The following ATR variants were observed in gnomAD, a reference collection of about 807,000 sequenced individuals.
ATR encodes the protein serine/threonine-protein kinase ATR.
Under a neutral mutation model 305.3 loss-of-function variants are expected in ATR, and 142 were observed. That is an observed-to-expected ratio of 0.47 (90% confidence interval 0.41 to 0.53). The LOEUF (loss-of-function observed/expected upper bound fraction) is 0.53. ATR is among the 20% of genes least tolerant of loss of function. The probability of loss-of-function intolerance (pLI) is 0.00; values close to 1 mark genes in which losing one functional copy is unlikely to be tolerated. For missense variants in ATR, 2,135 were observed against 3,133.1 expected (o/e 0.68, Z 7.60); for synonymous variants, 1,050 against 1,068.1 (o/e 0.98, Z 0.33).
At chr3:142,560,583 C>CAA in intron 5 of ATR, 129 bp from the exon 6 acceptor site, 1 of 714,958 alleles carries the variant, frequency 1.4e-6, no homozygotes, top group Non-Finnish European at 2.2e-6. Context: ...TTTTGTGAGA[C>CAA]AGAGTCTCAC....
chr3:142,529,806 T>A (rs1270830294), intron 21 of ATR, among the ~76,000 whole-genome samples: 1 of 152,146 alleles, frequency 6.6e-6, no homozygotes. Context: ...TACTTTTTTT[T>A]CTCCTTGCAA....
intron 21 of ATR, among the ~76,000 whole-genome samples, chr3:142,524,951 A>G (rs1244704908): frequency 6.6e-6 from 1 of 152,194 alleles, no homozygotes; most frequent in Non-Finnish European, 1.5e-5. Context: ...GCACAAGTCA[A>G]GTGTATAGGA....
At chr3:142,467,469 G>C (rs1481664433) in intron 39 of ATR, among the ~76,000 whole-genome samples, 1 of 152,054 alleles carries the variant, frequency 6.6e-6, no homozygotes, top group Non-Finnish European at 1.5e-5. Flanking sequence ...TCCCCTCATA[G>C]GCACTGAAAT....
At chr3:142,495,382 T>G (rs942749761) in intron 34 of ATR, among the ~76,000 whole-genome samples, 7 of 152,176 alleles carry the variant, frequency 4.6e-5, no homozygotes, top group African/African-American at 1.7e-4. Context: ...GCTATTATTA[T>G]TAGTAATGCC....
chr3:142,559,195 T>C, intron 7 of ATR, 56 bp downstream of exon 7: 1 of 1,569,050 alleles, frequency 6.4e-7, no homozygotes, highest in Non-Finnish European at 8.8e-7. Context: ...AGAAAGCATA[T>C]TTCTATACTG....
In ATR at chr3:142,468,204, T is replaced by C. The variant is rs1036839246; in HGVS notation, c.6553-136A>G. 9 of 1,044,544 alleles carry C rather than the reference T, an allele frequency of 8.6e-6. No individual in the cohort carries two copies. The African/African-American group carries it at 1.4e-4, about 17-fold the overall frequency. 64.7% of individuals were successfully genotyped at this position (1,044,544 alleles called of 1,614,324 possible). On this transcript the variant is annotated intron_variant, in intron 38 of 46. Transcript: ENST00000350721. ...ATGATACAAATTTTCTGAAAATTTA[T>C]TTGGCAATGCTATCAAGAGCCATAC...
At chr3:142,509,890 T>G (rs1177982105) in intron 27 of ATR, among the ~76,000 whole-genome samples, 1 of 151,990 alleles carries the variant, frequency 6.6e-6, no homozygotes, top group Non-Finnish European at 1.5e-5. Context: ...CCAAGGCAGG[T>G]GGATCGCCTG....
chr3:142,474,835 G>A (rs531120943), intron 36 of ATR, among the ~76,000 whole-genome samples: 6 of 152,040 alleles, frequency 3.9e-5, no homozygotes, highest in Non-Finnish European at 8.8e-5. Flanking sequence ...TTTCACCACT[G>A]AGTATGATGT....
chr3:142,541,111 C>A, intron 17 of ATR, 77 bp from the exon 18 acceptor site: 1 of 1,533,970 alleles, frequency 6.5e-7, no homozygotes, highest in Non-Finnish European at 9.0e-7. Context: ...AGGACAAGTG[C>A]TTCCCACCCA....
chr3:142,516,878 G>T (rs1156526004), intron 24 of ATR, among the ~76,000 whole-genome samples: 6 of 151,452 alleles, frequency 4.0e-5, no homozygotes, highest in Admixed American at 3.9e-4. Context: ...TCATCTTACG[G>T]CTACCTGTGT....
intron 9 of ATR, 93 bp downstream of exon 9, chr3:142,556,290 T>C: frequency 6.7e-7 from 1 of 1,492,992 alleles, no homozygotes. Flanking sequence ...TTGCTTTACA[T>C]ATTCAACAAT....
At chr3:142,476,494 T>C (rs569804015) in intron 36 of ATR, among the ~76,000 whole-genome samples, 76 of 152,346 alleles carry the variant, frequency 5.0e-4, no homozygotes, top group African/African-American at 1.5e-3. Flanking sequence ...TTGGTTACTG[T>C]AGCCTTGTAG....
In ATR at chr3:142,549,561, A is replaced by G. The variant is rs1304815047; in HGVS notation, c.3089T>C (p.Ile1030Thr). The G allele has an allele frequency of 1.9e-6, 3 of 1,611,948 alleles. No individual in the cohort carries two copies. Among genetic ancestry groups the G allele is most frequent in the Middle Eastern group, 1.6e-4 (1 of 6,072 alleles). ...QLNVNRREIL[I>T]NNFKYIFSHL... Reference sequence around the variant, plus strand: ...AGAAAAAATATATTTGAAGTTGTTTATTAAAATCTCTCTACGATTGACATT... The same window carrying G: ...AGAAAAAATATATTTGAAGTTGTTTGTTAAAATCTCTCTACGATTGACATT... The change falls in exon 15 of 47, where the codon ATA (isoleucine) becomes ACA (threonine). Residue 1030 changes from isoleucine (I) to threonine (T), a missense_variant. By Grantham distance (89) the Ile-to-Thr change is moderately conservative. Coordinates refer to ENST00000350721, the MANE Select transcript of ATR (RefSeq NM_001184.4).
intron 9 of ATR, 74 bp downstream of exon 9, chr3:142,556,309 C>T (rs145604385): frequency 6.5e-7 from 1 of 1,533,056 alleles, no homozygotes; most frequent in Non-Finnish European, 9.0e-7. Flanking sequence ...ATAAACACAA[C>T]CCTGCATACA....
Position 142,536,096 on chromosome 3 carries a change from A to C in ATR, c.3819+12T>G. 1.3e-6 allele frequency: 2 copies of C among 1,527,234 alleles called. No homozygotes were observed. The highest frequency in any genetic ancestry group is 1.8e-6 in the Non-Finnish European group (2 of 1,101,946). 94.6% of individuals were successfully genotyped at this position (1,527,234 alleles called of 1,614,324 possible). The stretch of plus-strand genomic sequence containing the variant: ...TAATGATCTCCTAAACCACAAATTA[A>C]AAATTAAATACCTTTCTGTATTCCT... On this transcript the variant is annotated intron_variant, in intron 20 of 46. Transcript: ENST00000350721.
Position 142,553,828 on chromosome 3 carries a change from C to T in ATR, c.2529G>A (p.Lys843=), listed in dbSNP as rs1223709222. The T allele has an allele frequency of 3.1e-6, 5 of 1,613,346 alleles. No homozygotes were observed. The highest frequency in any genetic ancestry group is 2.2e-5 in the East Asian group (1 of 44,740). ...GTTAAAAACAAAAATTATCAACCTC[C>T]TTTATAAATCCATCTTCAGAGTCCA... is the stretch of plus-strand genomic sequence containing the variant. ...ESLDSEDGFI[K]ELFVLRMKEA... The change falls in exon 11 of 47, where the codon AAG becomes AAA. Residue 843 remains lysine, a synonymous_variant. Coordinates refer to ENST00000350721, the MANE Select transcript of ATR (RefSeq NM_001184.4).
At chr3:142,510,263 AG>A (rs2108366148) in intron 27 of ATR, among the ~76,000 whole-genome samples, 1 of 152,196 alleles carries the variant, frequency 6.6e-6, no homozygotes, top group South Asian at 2.1e-4. Flanking sequence ...TGGGAGATCG[AG>A]GCAGATGGAC....
chr3:142,501,752 A>G (rs938239935), intron 30 of ATR, among the ~76,000 whole-genome samples: 4 of 152,106 alleles, frequency 2.6e-5, no homozygotes, highest in African/African-American at 9.7e-5. Flanking sequence ...TACTATTATT[A>G]TTATTATTTT....
intron 23 of ATR, among the ~76,000 whole-genome samples, chr3:142,521,945 A>C (rs2108393489): frequency 6.6e-6 from 1 of 152,334 alleles, no homozygotes; most frequent in South Asian, 2.1e-4. Flanking sequence ...CAAATTTTGA[A>C]AGAAGTTCTA....
Sources: allele counts gnomAD v4.1 joint callset (sites outside exome capture counted in the v4.1 genomes callset), GRCh38; gene constraint gnomAD v4.1.1; transcripts MANE v1.5; gene names NCBI Gene and HGNC (gene_info 2026-07-23, HGNC 2026-07-21).